Variants in ZDHHC21 observed in about 807,000 individuals in gnomAD.
ZDHHC21 encodes the protein zDHHC palmitoyltransferase 21.
ZDHHC21 carries 15 observed loss-of-function variants against 34.6 expected under a neutral mutation model. The observed-to-expected ratio is 0.43, with a 90% confidence interval of 0.29 to 0.67. ZDHHC21 has a LOEUF of 0.67. Ranked by LOEUF, ZDHHC21 falls within the 30% of genes least tolerant of loss-of-function variation. ZDHHC21 has a pLI of 0.14. For synonymous variants in ZDHHC21, 142 were observed against 101.8 expected (o/e 1.40, Z -2.38); for missense variants, 344 against 327.7 (o/e 1.05, Z -0.38).
chr9:14,644,922 A>G (rs1830036041), intron 7 of ZDHHC21, among the ~76,000 whole-genome samples: 1 of 152,046 alleles, frequency 6.6e-6, no homozygotes, highest in African/African-American at 2.4e-5. Context: ...AACACAAAGA[A>G]TACCATGAGG....
intron 2 of ZDHHC21, among the ~76,000 whole-genome samples, chr9:14,689,150 C>T (rs1343830135): frequency 2.0e-5 from 3 of 152,194 alleles, no homozygotes; most frequent in South Asian, 2.1e-4. Flanking sequence ...TACAGCCCTT[C>T]GGCTAGTATC....
chr9:14,671,931 T>G (rs933983169), intron 5 of ZDHHC21, among the ~76,000 whole-genome samples: 3 of 152,130 alleles, frequency 2.0e-5, no homozygotes, highest in African/African-American at 7.2e-5. Flanking sequence ...AATACACACA[T>G]GAACAATTCA....
chr9:14,622,612 G>C, intron 8 of ZDHHC21: 1 of 985,112 alleles, frequency 1.0e-6, no homozygotes, highest in Non-Finnish European at 1.2e-6. Context: ...CCTGTTTTGA[G>C]TTCATTCTCA....
At chr9:14,603,673 A>G in the ZDHHC21 span, among the ~76,000 whole-genome samples, 1 of 152,168 alleles carries the variant, frequency 6.6e-6, no homozygotes, top group Non-Finnish European at 1.5e-5. Flanking sequence ...ATAAAATATG[A>G]AAATAAGATC....
At chr9:14,639,201 T>C (rs144994945) in intron 8 of ZDHHC21, among the ~76,000 whole-genome samples, 2,458 of 152,174 alleles carry the variant, frequency 0.016, 27 homozygotes, top group African/African-American at 0.029. Context: ...AATTCTGTCA[T>C]TTGCAGCAAC....
rs774053111 is a variant in ZDHHC21, at chr9:14,672,942, A to T, written c.155-14T>A. The stretch of plus-strand genomic sequence containing the variant: ...TGCCATAGAATACTTTAAAATAAAT[A>T]AATTAAATAAATTAGTCACTTACCC... On this transcript the variant is annotated splice_polypyrimidine_tract_variant and intron_variant, in intron 4 of 9. Coordinates refer to ENST00000380916, the MANE Select transcript of ZDHHC21 (RefSeq NM_178566.6). 3.5e-6 allele frequency: 5 copies of T among 1,437,734 alleles called. No individual in the cohort carries two copies. The South Asian group carries it at 6.8e-5, about 20-fold the overall frequency. 89.1% of individuals were successfully genotyped at this position (1,437,734 alleles called of 1,614,324 possible).
intron 5 of ZDHHC21, among the ~76,000 whole-genome samples, chr9:14,670,896 C>T (rs189393913): frequency 1.9e-4 from 29 of 152,120 alleles, no homozygotes; most frequent in African/African-American, 6.0e-4. Flanking sequence ...ATCTCTAAAG[C>T]CTTTCTTAGT....
chr9:14,596,679 C>T, the ZDHHC21 span, among the ~76,000 whole-genome samples: 1 of 152,010 alleles, frequency 6.6e-6, no homozygotes, highest in African/African-American at 2.4e-5. Flanking sequence ...CTGGAAATTG[C>T]ACTGGAACTC....
chr9:14,606,574 G>A (rs1212236722), downstream of ZDHHC21, among the ~76,000 whole-genome samples: 3 of 152,126 alleles, frequency 2.0e-5, no homozygotes, highest in African/African-American at 7.2e-5. Flanking sequence ...AGACAGAAAA[G>A]CTGCTGTGCC....
At chr9:14,651,917 A>G (rs1007009952) in intron 7 of ZDHHC21, among the ~76,000 whole-genome samples, 4 of 151,918 alleles carry the variant, frequency 2.6e-5, no homozygotes, top group Non-Finnish European at 5.9e-5. Context: ...TCATTACCCA[A>G]TCTACAGGTT....
In ZDHHC21 at chr9:14,658,464, CTTTTTTTT is replaced by C. The variant is rs769819264; in HGVS notation, c.504+277_504+284del. ...CTAATGTTAGTGGATATAAACATTT[CTTTTTTTT>C]TTTTTTTTTTTTTTTTTTGAGACGG... On this transcript the variant is annotated intron_variant, in intron 7 of 9. Coordinates refer to ENST00000380916, the MANE Select transcript of ZDHHC21 (RefSeq NM_178566.6). Among the ~76,000 whole-genome samples, 9 of 65,374 alleles carry C rather than the reference CTTTTTTTT, an allele frequency of 1.4e-4. No individual in the cohort carries two copies. In the East Asian group the frequency reaches 1.6e-3, roughly 12 times the overall value. 42.9% of individuals were successfully genotyped at this position (65,374 alleles called of 152,430 possible). A position where few individuals can be genotyped will look rare whatever the true frequency, so the allele number is the denominator to read the frequency against.
intron 7 of ZDHHC21, among the ~76,000 whole-genome samples, chr9:14,642,999 G>A (rs1829644355): frequency 6.6e-6 from 1 of 152,138 alleles, no homozygotes; most frequent in Non-Finnish European, 1.5e-5. Flanking sequence ...AGCACTTTGG[G>A]AGGCCAAGGT....
At chr9:14,677,403 A>T (rs1836613263) in intron 3 of ZDHHC21, 1 of 152,036 alleles carries the variant, frequency 6.6e-6, no homozygotes, top group Admixed American at 6.6e-5. Flanking sequence ...ACAAATGCAT[A>T]ACTGGAAGAG....
chr9:14,643,768 G>A (rs917575372), intron 7 of ZDHHC21, among the ~76,000 whole-genome samples: 9 of 152,046 alleles, frequency 5.9e-5, no homozygotes, highest in Non-Finnish European at 1.2e-4. Flanking sequence ...CAACTGTTCC[G>A]GAATGACTTA....
intron 7 of ZDHHC21, among the ~76,000 whole-genome samples, chr9:14,654,910 T>C (rs915515947): frequency 1.3e-5 from 2 of 151,798 alleles, no homozygotes; most frequent in African/African-American, 2.4e-5. Flanking sequence ...ATCCCAGAAC[T>C]GCAGGAGAAA....
the ZDHHC21 span, among the ~76,000 whole-genome samples, chr9:14,598,565 T>C: frequency 3.3e-5 from 5 of 151,984 alleles, no homozygotes; most frequent in South Asian, 1.0e-3. Context: ...ATGTGACATG[T>C]CCAAAAGAAC....
chr9:14,653,877 T>C (rs983642995), intron 7 of ZDHHC21, among the ~76,000 whole-genome samples: 2 of 151,996 alleles, frequency 1.3e-5, no homozygotes, highest in Non-Finnish European at 2.9e-5. Flanking sequence ...AAAAACACTA[T>C]TAAAAGCCAG....
At chr9:14,662,026 A>C (rs781751877) in intron 6 of ZDHHC21, among the ~76,000 whole-genome samples, 189 bp downstream of exon 6, 2 of 152,206 alleles carry the variant, frequency 1.3e-5, no homozygotes, top group Non-Finnish European at 2.9e-5. Context: ...CTGTTAGAAA[A>C]GATAGGATTT....
Position 14,632,703 on chromosome 9 carries a change from A to G in ZDHHC21, c.621+7193T>C, listed in dbSNP as rs1202483598. 1.3e-5 allele frequency among the ~76,000 whole-genome samples: 2 copies of G among 150,810 alleles called. 1 individual carries two copies. The highest frequency in any genetic ancestry group is 4.9e-5 in the African/African-American group (2 of 41,110). On this transcript the variant is annotated intron_variant, in intron 8 of 9. Transcript: ENST00000380916. The stretch of plus-strand genomic sequence containing the variant: ...TGCAAATCACATATTTGCAAATAAT[A>G]TATCTGAAAAGGGACTTATACCTAC...
Sources: gnomAD v4.1 joint callset for allele counts (sites outside exome capture counted in the v4.1 genomes callset) on GRCh38, gnomAD v4.1.1 for gene constraint, MANE v1.5 for transcripts, NCBI Gene and HGNC (gene_info 2026-07-23, HGNC 2026-07-21) for gene names.